MMEL1: variants seen among roughly 807,000 people sequenced by gnomAD.
The protein encoded by MMEL1 is membrane metallo-endopeptidase-like 1.
Under a neutral mutation model 117.1 loss-of-function variants are expected in MMEL1, and 98 were observed. That is an observed-to-expected ratio of 0.84 (90% CI 0.71 to 0.99). MMEL1 has a LOEUF of 0.99. Ranked by LOEUF, MMEL1 falls within the 50% of genes least tolerant of loss-of-function variation. The pLI, the probability that MMEL1 is intolerant of heterozygous loss-of-function variation, is 0.00. For synonymous variants in MMEL1, 390 were observed against 415.1 expected (o/e 0.94, Z 0.74); for missense variants, 1,014 against 1,049.1 (o/e 0.97, Z 0.46).
chr1:2,608,089 TG>T (rs1645058332), intron 6 of MMEL1, among the ~76,000 whole-genome samples: 1 of 152,124 alleles, frequency 6.6e-6, no homozygotes, highest in Admixed American at 6.5e-5. Flanking sequence ...CATCTCCAGC[TG>T]GGAGTATTGC....
At position 2,598,078 on chromosome 1, in the gene MMEL1, C is replaced by T. The variant is rs540196075; in HGVS notation, c.1272+129G>A. ...ATGGTCCACTCCCCACTGGGGTGGG[C>T]GCCTCGCCCTGCCTCGTCCATGGCT... On this transcript the variant is annotated intron_variant, in intron 13 of 23. Transcript: ENST00000378412. 4.0e-4 allele frequency: 330 copies of T among 827,350 alleles called. No homozygotes were observed. In the East Asian group the frequency reaches 4.6e-3, roughly 12 times the overall value. 51.3% of individuals were successfully genotyped at this position (827,350 alleles called of 1,614,324 possible).
chr1:2,616,086 A>G (rs1031047004), intron 2 of MMEL1, among the ~76,000 whole-genome samples: 1 of 152,220 alleles, frequency 6.6e-6, no homozygotes, highest in African/African-American at 2.4e-5. Context: ...CCTGAATCCC[A>G]GCACTTTGCG....
intron 11 of MMEL1, among the ~76,000 whole-genome samples, chr1:2,599,623 C>T (rs1008053495): frequency 2.6e-5 from 4 of 152,162 alleles, no homozygotes; most frequent in African/African-American, 9.7e-5. Flanking sequence ...TTTGGGAGGT[C>T]GAGGCGGGCA....
At chr1:2,607,229 C>T (rs2100944152) in intron 6 of MMEL1, among the ~76,000 whole-genome samples, 160 bp from the exon 7 acceptor site, 1 of 152,356 alleles carries the variant, frequency 6.6e-6, no homozygotes, top group African/African-American at 2.4e-5. Flanking sequence ...TACACCTGCA[C>T]CCTCCCGTCA....
chr1:2,623,126 G>A (rs1052169695), intron 2 of MMEL1, among the ~76,000 whole-genome samples: 4 of 150,868 alleles, frequency 2.7e-5, no homozygotes, highest in East Asian at 3.9e-4. Flanking sequence ...CCGAGATCAC[G>A]CCACTGCACT....
chr1:2,605,030 C>T (rs1397596123), intron 9 of MMEL1, among the ~76,000 whole-genome samples: 1 of 152,190 alleles, frequency 6.6e-6, no homozygotes, highest in Non-Finnish European at 1.5e-5. Context: ...ATGCCTCATG[C>T]CTGTTCACCT....
chr1:2,615,756 A>G (rs1238688712), intron 2 of MMEL1, among the ~76,000 whole-genome samples: 3 of 152,212 alleles, frequency 2.0e-5, no homozygotes, highest in African/African-American at 7.2e-5. Context: ...ATTGTTCTAA[A>G]TTTTTGAAAT....
At chr1:2,611,759 C>T (rs1645133210) in intron 3 of MMEL1, among the ~76,000 whole-genome samples, 3 of 152,238 alleles carry the variant, frequency 2.0e-5, no homozygotes, top group Admixed American at 2.0e-4. Context: ...GCCGGCCATT[C>T]TGCCCTCCTG....
chr1:2,594,234 C>T (rs1644793547), intron 18 of MMEL1, 151 bp downstream of exon 18: 3 of 946,374 alleles, frequency 3.2e-6, no homozygotes, highest in Non-Finnish European at 4.9e-6. Context: ...AGTGAGTGTT[C>T]CCCACGGGGG....
rs529842052 is a variant in MMEL1, at chr1:2,594,408, T to C, written c.1724A>G (p.Tyr575Cys). ...IIGAAVVNAF[Y>C]SPNRNQIVFP... The stretch of plus-strand genomic sequence containing the variant: ...ACCAATCTGGTTTCGGTTTGGGGAG[T>C]AGAACGCATTGACCACCGCCGCCCC... The change falls in exon 18 of 24, where the codon TAC becomes TGC. Residue 575 changes from tyrosine (Y) to cysteine (C), a missense_variant. By Grantham distance (194) the Tyr-to-Cys change is radical. Transcript: ENST00000378412. 6 of 1,550,878 alleles carry C rather than the reference T, an allele frequency of 3.9e-6. No individual in the cohort carries two copies. The highest frequency in any genetic ancestry group is 1.4e-5 in the African/African-American group (1 of 72,830).
Position 2,593,088 on chromosome 1 carries a change from A to G in MMEL1, c.1868-122T>C, listed in dbSNP as rs1644769405. The G allele has an allele frequency of 3.9e-6, 5 of 1,283,740 alleles. No individual in the cohort carries two copies. In the South Asian group the frequency reaches 5.4e-5, roughly 14 times the overall value. The allele number at this position is 1,283,740 out of a possible 1,614,324, so 79.5% of individuals were successfully genotyped here. On this transcript the variant is annotated intron_variant, in intron 19 of 23. Transcript: ENST00000378412. ...CAGCCAGCCCCAGTACGGAGAGCCC[A>G]CAGTCTGAGTAGGCTGAGCCTGGAA...
chr1:2,606,966 G>C lies in MMEL1; in HGVS notation c.631+8C>G. ...TGTCTGTGAGGCTGCTGCCAGGCCC[G>C]GCCTTACCTACGGTCTCGTTCCACC... On this transcript the variant is annotated splice_region_variant and intron_variant, in intron 7 of 23. Coordinates refer to ENST00000378412, the MANE Select transcript of MMEL1 (RefSeq NM_033467.4). The C allele has an allele frequency of 6.2e-7, 1 of 1,610,768 alleles. No individual in the cohort carries two copies. Among genetic ancestry groups the C allele is most frequent in the African/African-American group, 1.3e-5 (1 of 75,022 alleles).
chr1:2,592,877 A>G lies in MMEL1; in HGVS notation c.1957T>C (p.Tyr653His), dbSNP rs1221620315. Reference sequence around the variant, plus strand: ...TCCCAGGAGTAGTTGCCGTACTGGTAGATCATGCACTCTGACTGCTCCCGG... The same window carrying G: ...TCCCAGGAGTAGTTGCCGTACTGGTGGATCATGCACTCTGACTGCTCCCGG... ...HFREQSECMI[Y>H]QYGNYSWDLA... The change falls in exon 20 of 24, where the codon TAC becomes CAC. Residue 653 changes from tyrosine (Y) to histidine (H), a missense_variant. Coordinates refer to ENST00000378412, the MANE Select transcript of MMEL1 (RefSeq NM_033467.4). The G allele has an allele frequency of 1.5e-5, 24 of 1,613,642 alleles. No homozygotes were observed. Among genetic ancestry groups the G allele is most frequent in the Non-Finnish European group, 2.0e-5 (24 of 1,179,954 alleles).
intron 1 of MMEL1, among the ~76,000 whole-genome samples, chr1:2,632,074 C>T (rs1638615709): frequency 6.6e-6 from 1 of 152,158 alleles, no homozygotes; most frequent in Non-Finnish European, 1.5e-5. Context: ...TCAGGCAGGC[C>T]CACCAGGTTT....
rs1306902937 is a variant in MMEL1 at position 2,629,463 on chromosome 1, C to T, written c.22G>A (p.Val8Met). 2 of 1,533,006 alleles carry T rather than the reference C, an allele frequency of 1.3e-6. No individual in the cohort carries two copies. The allele number at this position is 1,533,006 out of a possible 1,614,324, so 95.0% of individuals were successfully genotyped here. ...CGGCCGGCGCTCTCCACCATCCCCA[C>T]TGGGCCTTCGGACTTCCCCATCAGC... MGKSEGP[V>M]GMVESAGRAG... Residue 8 changes from valine (V) to methionine (M), a missense_variant, in exon 2 of 24, where the codon GTG becomes ATG. Physicochemically the swap from Val to Met is conservative, Grantham distance 21. Coordinates refer to ENST00000378412, the MANE Select transcript of MMEL1 (RefSeq NM_033467.4).
intron 2 of MMEL1, among the ~76,000 whole-genome samples, chr1:2,628,211 T>C (rs1422767645): frequency 6.6e-6 from 1 of 152,146 alleles, no homozygotes; most frequent in Non-Finnish European, 1.5e-5. Flanking sequence ...GACCCCTCTG[T>C]CCCAGGGGAG....
At chr1:2,607,308 A>G (rs530828880) in intron 6 of MMEL1, among the ~76,000 whole-genome samples, 50 of 152,292 alleles carry the variant, frequency 3.3e-4, no homozygotes, top group Middle Eastern at 3.4e-3. Context: ...GCGTGAAAGG[A>G]GACCTGGGGG....
intron 18 of MMEL1, 21 bp downstream of exon 18, chr1:2,594,349 AAGGGCCTGGGCAGGC>A: frequency 6.5e-7 from 1 of 1,548,318 alleles, no homozygotes; most frequent in Middle Eastern, 1.7e-4. Flanking sequence ...TCTGGCACCA[AAGGGCCTGGGCAGGC>A]AGGGAGGGGG....
In MMEL1 at chr1:2,591,634, C is replaced by T. The variant is rs1451784394; in HGVS notation, c.2164-1G>A. On this transcript the variant is annotated splice_acceptor_variant, in intron 22 of 23. Transcript: ENST00000378412. LOFTEE classifies it high-confidence loss of function. ...CGGGCCGGTAGGACCCGCACCACACCTGTGGGCATGTTGGGGGCGTGGCTA... is the reference window on the plus strand; with the variant it reads ...CGGGCCGGTAGGACCCGCACCACACTTGTGGGCATGTTGGGGGCGTGGCTA... 3 of 1,439,236 alleles carry T rather than the reference C, an allele frequency of 2.1e-6. No individual in the cohort carries two copies. The highest frequency in any genetic ancestry group is 6.8e-5 in the East Asian group (2 of 29,262). The allele number at this position is 1,439,236 out of a possible 1,614,324, so 89.2% of individuals were successfully genotyped here.
Sources: allele counts gnomAD v4.1 joint callset (sites outside exome capture counted in the v4.1 genomes callset), GRCh38; gene constraint gnomAD v4.1.1; transcripts MANE v1.5; gene names NCBI Gene and HGNC (gene_info 2026-07-23, HGNC 2026-07-21).